QTMAN: variants seen among roughly 807,000 people sequenced by gnomAD.
QTMAN encodes queuosine-tRNA mannosyltransferase, also known as tRNA-queuosine alpha-mannosyltransferase.
the QTMAN span, among the ~76,000 whole-genome samples, chr2:143,966,811 T>C: frequency 9.8e-5 from 15 of 152,352 alleles, no homozygotes; most frequent in African/African-American, 3.4e-4. Flanking sequence ...GTATAGAGAC[T>C]CTACAAAGTT....
At chr2:144,139,749 T>C in the QTMAN span, among the ~76,000 whole-genome samples, 1 of 152,200 alleles carries the variant, frequency 6.6e-6, no homozygotes, top group East Asian at 1.9e-4. Flanking sequence ...GTGACAGACA[T>C]GCTCTGAGTT....
chr2:144,327,725 C>A, the QTMAN span, among the ~76,000 whole-genome samples: 1 of 152,072 alleles, frequency 6.6e-6, no homozygotes, highest in African/African-American at 2.4e-5. Context: ...CTCTGCAAGA[C>A]CCCAACCACC....
the QTMAN span, among the ~76,000 whole-genome samples, chr2:144,069,880 A>G: frequency 6.6e-6 from 1 of 152,110 alleles, no homozygotes; most frequent in African/African-American, 2.4e-5. Context: ...AATTGAAGAT[A>G]TATTCATATA....
At chr2:144,231,966 G>C in the QTMAN span, among the ~76,000 whole-genome samples, 1 of 150,066 alleles carries the variant, frequency 6.7e-6, no homozygotes, top group East Asian at 2.0e-4. Flanking sequence ...AACTTAACTG[G>C]ATCAAGTGAA....
At chr2:144,120,285 G>A in the QTMAN span, among the ~76,000 whole-genome samples, 1 of 152,082 alleles carries the variant, frequency 6.6e-6, no homozygotes, top group Non-Finnish European at 1.5e-5. Context: ...CTACCATCAT[G>A]CTAGCCTCTA....
chr2:144,182,841 T>TA, the QTMAN span, among the ~76,000 whole-genome samples: 1 of 66,140 alleles, frequency 1.5e-5, no homozygotes, highest in Admixed American at 2.5e-4. Context: ...ATATATATAT[T>TA]ATATATATAT....
the QTMAN span, among the ~76,000 whole-genome samples, chr2:144,116,648 G>C: frequency 6.6e-6 from 1 of 152,094 alleles, no homozygotes. Context: ...CTGAGAGAGA[G>C]AGCACATGCA....
the QTMAN span, among the ~76,000 whole-genome samples, chr2:144,107,138 C>T: frequency 1.1e-4 from 16 of 152,130 alleles, no homozygotes; most frequent in Admixed American, 3.9e-4. Context: ...GCACTAAATG[C>T]CCACAAGAGA....
chr2:144,236,884 C>G, the QTMAN span, among the ~76,000 whole-genome samples: 3 of 149,274 alleles, frequency 2.0e-5, no homozygotes. Flanking sequence ...GAGATGCCAC[C>G]AAAAAAAAGG....
At chr2:144,029,637 T>C in the QTMAN span, among the ~76,000 whole-genome samples, 3 of 152,192 alleles carry the variant, frequency 2.0e-5, no homozygotes, top group Non-Finnish European at 4.4e-5. Context: ...AGAACCAGCT[T>C]TAAAAAAACA....
the QTMAN span, among the ~76,000 whole-genome samples, chr2:144,258,841 A>C: frequency 1.3e-5 from 2 of 152,226 alleles, no homozygotes; most frequent in African/African-American, 2.4e-5. Flanking sequence ...TGGACATAGA[A>C]TAGCTTGTTT....
At chr2:144,051,935 A>G in the QTMAN span, among the ~76,000 whole-genome samples, 4 of 152,208 alleles carry the variant, frequency 2.6e-5, no homozygotes, top group African/African-American at 9.6e-5. Flanking sequence ...TCTCTCTTAC[A>G]TTGCTTTATT....
chr2:143,966,903 A>G, the QTMAN span, among the ~76,000 whole-genome samples: 1 of 152,262 alleles, frequency 6.6e-6, no homozygotes, highest in African/African-American at 2.4e-5. Flanking sequence ...CACTAATGCC[A>G]TCACTCAGTG....
chr2:144,213,419 TA>T, the QTMAN span, among the ~76,000 whole-genome samples: 1 of 152,130 alleles, frequency 6.6e-6, no homozygotes, highest in African/African-American at 2.4e-5. Flanking sequence ...TCATGTCAAT[TA>T]AAAAAATAAA....
chr2:144,136,949 G>A, the QTMAN span, among the ~76,000 whole-genome samples: 1 of 152,054 alleles, frequency 6.6e-6, no homozygotes, highest in African/African-American at 2.4e-5. Context: ...AGTATGGAAG[G>A]AGCCAGTGTT....
the QTMAN span, among the ~76,000 whole-genome samples, chr2:144,116,564 G>T: frequency 6.6e-6 from 1 of 152,102 alleles, no homozygotes; most frequent in African/African-American, 2.4e-5. Flanking sequence ...AGGACCAGTG[G>T]ACTGCCATAC....
At chr2:144,323,594 G>C in the QTMAN span, among the ~76,000 whole-genome samples, 174 of 152,234 alleles carry the variant, frequency 1.1e-3, 1 homozygote, top group Non-Finnish European at 2.1e-3. Context: ...ACTCCTGAAA[G>C]GGTCTCAGTG....
At chr2:144,207,352 CCCT>C in the QTMAN span, among the ~76,000 whole-genome samples, 1 of 152,164 alleles carries the variant, frequency 6.6e-6, no homozygotes, top group African/African-American at 2.4e-5. Context: ...CTCTCTGAAT[CCCT>C]CAAGTTCCTA....
the QTMAN span, among the ~76,000 whole-genome samples, chr2:144,146,966 A>G: frequency 6.6e-6 from 1 of 151,844 alleles, no homozygotes; most frequent in African/African-American, 2.4e-5. Flanking sequence ...GACCACTTAC[A>G]TTGCAAGTGC....
Sources: allele counts gnomAD v4.1 joint callset (sites outside exome capture counted in the v4.1 genomes callset), GRCh38; gene constraint gnomAD v4.1.1; transcripts MANE v1.5; gene names NCBI Gene and HGNC (gene_info 2026-07-23, HGNC 2026-07-21).